The following SDK1 variants were observed in gnomAD, a reference collection of about 807,000 sequenced individuals.
SDK1 encodes the protein protein sidekick-1.
Under a neutral mutation model 245.5 loss-of-function variants are expected in SDK1, and 157 were observed. The observed-to-expected ratio is 0.64, with a 90% CI of 0.56 to 0.73. The LOEUF is 0.73. SDK1 is among the 30% of genes least tolerant of loss of function. The pLI is 0.00. For missense variants in SDK1, 3,583 were observed against 3,002.3 expected (o/e 1.19, Z -4.52); for synonymous variants, 1,647 against 1,278.5 (o/e 1.29, Z -6.15).
At chr7:4,085,479 C>T (rs1027713186) in intron 22 of SDK1, among the ~76,000 whole-genome samples, 5 of 152,202 alleles carry the variant, frequency 3.3e-5, no homozygotes, top group Non-Finnish European at 7.4e-5. Flanking sequence ...GATTTAAGTG[C>T]GTTCATTTCA....
intron 1 of SDK1, among the ~76,000 whole-genome samples, chr7:3,576,635 T>G (rs1250139108): frequency 6.6e-6 from 1 of 152,042 alleles, no homozygotes; most frequent in Non-Finnish European, 1.5e-5. Context: ...TATTCTGTCA[T>G]TTTTCTCCAG....
chr7:3,502,595 T>C (rs1355641676), intron 1 of SDK1, among the ~76,000 whole-genome samples: 1 of 152,220 alleles, frequency 6.6e-6, no homozygotes, highest in Non-Finnish European at 1.5e-5. Flanking sequence ...TAAAGCATGA[T>C]TGCACATACA....
chr7:4,246,891 A>G (rs1167595243), intron 44 of SDK1, among the ~76,000 whole-genome samples: 1 of 152,182 alleles, frequency 6.6e-6, no homozygotes, highest in Non-Finnish European at 1.5e-5. Flanking sequence ...GGCGTGACCC[A>G]AAGGGACTTT....
intron 26 of SDK1, among the ~76,000 whole-genome samples, chr7:4,129,166 A>G (rs1784609930): frequency 7.4e-6 from 1 of 135,370 alleles, no homozygotes; most frequent in East Asian, 2.2e-4. Flanking sequence ...GGTGCCCTGG[A>G]GGAGAGCACC....
At chr7:4,019,470 G>A (rs1354563804) in intron 17 of SDK1, among the ~76,000 whole-genome samples, 1 of 152,146 alleles carries the variant, frequency 6.6e-6, no homozygotes, top group African/African-American at 2.4e-5. Context: ...ACAGTGGGTG[G>A]GGTCCCGCCT....
chr7:3,368,849 T>C (rs143479934), intron 1 of SDK1, among the ~76,000 whole-genome samples: 31 of 152,252 alleles, frequency 2.0e-4, no homozygotes, highest in African/African-American at 7.0e-4. Flanking sequence ...ACACATAACA[T>C]TTGATTGGTA....
chr7:3,777,551 C>CT (rs1267267269), intron 4 of SDK1, among the ~76,000 whole-genome samples: 1 of 152,180 alleles, frequency 6.6e-6, no homozygotes, highest in Non-Finnish European at 1.5e-5. Context: ...CACAGCATTC[C>CT]TCCTGATGTG....
chr7:4,240,370 G>A (rs1006430834), intron 42 of SDK1, among the ~76,000 whole-genome samples: 2 of 146,638 alleles, frequency 1.4e-5, no homozygotes, highest in African/African-American at 5.5e-5. Context: ...AACCTCTGTT[G>A]TGATGGCCTC....
intron 5 of SDK1, among the ~76,000 whole-genome samples, chr7:3,878,620 G>A (rs951058505): frequency 2.0e-5 from 3 of 152,288 alleles, no homozygotes; most frequent in African/African-American, 7.2e-5. Flanking sequence ...TATCGGAATT[G>A]GTGAAATCTT....
rs188192264 is a variant in SDK1 at position 3,863,326 on chromosome 7, C to T, written c.847+41743C>T. Among the ~76,000 whole-genome samples, 8 of 152,334 alleles carry T rather than the reference C, an allele frequency of 5.3e-5. No homozygotes were observed. The South Asian group carries it at 1.2e-3, about 24-fold the overall frequency. Reference sequence around the variant, plus strand: ...GGGAAATTCTGCCTGAAACTTTTCTCCACTTGTCAGCATTTCCACTGATGC... The same window carrying T: ...GGGAAATTCTGCCTGAAACTTTTCTTCACTTGTCAGCATTTCCACTGATGC... On this transcript the variant is annotated intron_variant, in intron 5 of 44. Coordinates refer to ENST00000404826, the MANE Select transcript of SDK1 (RefSeq NM_152744.4).
At chr7:4,193,883 C>A (rs1478387154) in intron 35 of SDK1, among the ~76,000 whole-genome samples, 1 of 152,190 alleles carries the variant, frequency 6.6e-6, no homozygotes, top group African/African-American at 2.4e-5. Context: ...TGGTTCTCCA[C>A]ACATGGTCAG....
chr7:3,568,047 C>G (rs534544878), intron 1 of SDK1, among the ~76,000 whole-genome samples: 1 of 152,248 alleles, frequency 6.6e-6, no homozygotes, highest in South Asian at 2.1e-4. Flanking sequence ...TCTCAAACTC[C>G]TGAGCTCAAG....
At chr7:3,320,988 C>T (rs562453736) in intron 1 of SDK1, among the ~76,000 whole-genome samples, 5 of 152,222 alleles carry the variant, frequency 3.3e-5, no homozygotes, top group Non-Finnish European at 5.9e-5. Flanking sequence ...CAGACACAAT[C>T]GTGAAGCTCA....
chr7:4,089,206 G>A (rs1265041049), intron 22 of SDK1, among the ~76,000 whole-genome samples: 1 of 152,030 alleles, frequency 6.6e-6, no homozygotes, highest in South Asian at 2.1e-4. Context: ...TCAGGTGGAG[G>A]TGAGACCCTC....
intron 32 of SDK1, among the ~76,000 whole-genome samples, chr7:4,170,168 C>G (rs182786151): frequency 1.3e-5 from 2 of 152,294 alleles, no homozygotes; most frequent in East Asian, 3.9e-4. Flanking sequence ...TAATTTCAGT[C>G]TCAGCTGTGG....
At position 4,074,910 on chromosome 7, in the gene SDK1, ATATATAT is replaced by A. The variant is rs1213593417; in HGVS notation, c.3011-2086_3011-2080del. On this transcript the variant is annotated intron_variant, in intron 20 of 44. Coordinates refer to ENST00000404826, the MANE Select transcript of SDK1 (RefSeq NM_152744.4). ...TGTATATATATATATATATATATATATATATATTTTTTTTTTTTTTTAATAAAGTTAG... is the reference window on the plus strand; with the variant it reads ...TGTATATATATATATATATATATATATTTTTTTTTTTTTTAATAAAGTTAG... Among the ~76,000 whole-genome samples the A allele has an allele frequency of 3.4e-3, 261 of 77,160 alleles. 2 individuals carry two copies. The highest frequency in any genetic ancestry group is 0.029 in the Middle Eastern group (4 of 140). 50.6% of individuals were successfully genotyped at this position (77,160 alleles called of 152,430 possible). A position where few individuals can be genotyped will look rare whatever the true frequency, so the allele number is the denominator to read the frequency against.
At chr7:3,750,854 C>G (rs924933462) in intron 4 of SDK1, among the ~76,000 whole-genome samples, 4 of 152,234 alleles carry the variant, frequency 2.6e-5, no homozygotes, top group African/African-American at 7.2e-5. Context: ...TTACACCTTT[C>G]TCTTTTGCAC....
intron 19 of SDK1, among the ~76,000 whole-genome samples, chr7:4,061,301 A>G (rs555340191): frequency 1.3e-5 from 2 of 152,114 alleles, no homozygotes; most frequent in South Asian, 2.1e-4. Context: ...ATTTGTTTGT[A>G]TCCTCTTTTA....
At chr7:3,756,373 C>G (rs1352114480) in intron 4 of SDK1, among the ~76,000 whole-genome samples, 3 of 151,782 alleles carry the variant, frequency 2.0e-5, no homozygotes, top group Admixed American at 2.0e-4. Flanking sequence ...ACTCCTTTCA[C>G]ATGGCATAGC....
Sources: allele counts gnomAD v4.1 joint callset (sites outside exome capture counted in the v4.1 genomes callset), GRCh38; gene constraint gnomAD v4.1.1; transcripts MANE v1.5; gene names NCBI Gene and HGNC (gene_info 2026-07-23, HGNC 2026-07-21).